Variants in ZBTB16 observed in about 807,000 individuals in gnomAD.
ZBTB16 encodes the protein zinc finger and BTB domain containing 16.
ZBTB16 carries 8 observed loss-of-function variants against 56.8 expected under a neutral mutation model. The ratio of observed to expected loss-of-function variants is 0.14; its 90% CI spans 0.08 to 0.25. The LOEUF (loss-of-function observed/expected upper bound fraction) is 0.25, where lower values mean the gene tolerates loss of function less well. Among genes scored for constraint, ZBTB16 ranks in the 10% least tolerant of loss-of-function variants. The pLI, the probability that ZBTB16 is intolerant of heterozygous loss-of-function variation, is 1.00. For missense variants in ZBTB16, 625 were observed against 903.0 expected, an observed-to-expected ratio of 0.69 and a Z score of 3.95; for synonymous variants, 363 against 368.5, an observed-to-expected ratio of 0.98 and a Z score of 0.17.
intron 4 of ZBTB16, among the ~76,000 whole-genome samples, chr11:114,220,114 C>T (rs754869882): frequency 4.6e-5 from 7 of 152,250 alleles, no homozygotes; most frequent in African/African-American, 9.6e-5. Context: ...GATTAGTGGA[C>T]GGAGGGGTCG....
intron 2 of ZBTB16, among the ~76,000 whole-genome samples, chr11:114,074,710 C>T (rs558669335): frequency 2.4e-4 from 37 of 152,314 alleles, no homozygotes; most frequent in African/African-American, 7.9e-4. Flanking sequence ...CGGAGCTCGC[C>T]GTGCGAGGAA....
intron 2 of ZBTB16, among the ~76,000 whole-genome samples, chr11:114,081,842 G>A (rs1939773965): frequency 6.6e-6 from 1 of 152,168 alleles, no homozygotes; most frequent in African/African-American, 2.4e-5. Flanking sequence ...ATGGTAGGCT[G>A]GGGTCAGACT....
chr11:114,135,848 G>A (rs1217137697), intron 2 of ZBTB16, among the ~76,000 whole-genome samples: 1 of 152,208 alleles, frequency 6.6e-6, no homozygotes, highest in Non-Finnish European at 1.5e-5. Context: ...GCAACAGGAA[G>A]TGACTTGCAG....
At chr11:114,123,131 T>G (rs929971731) in intron 2 of ZBTB16, among the ~76,000 whole-genome samples, 2 of 152,188 alleles carry the variant, frequency 1.3e-5, no homozygotes, top group African/African-American at 4.8e-5. Flanking sequence ...AGACCCACCC[T>G]TAGGACCGCA....
Position 114,062,400 on chromosome 11 carries a change from G to A in ZBTB16, c.-90-811G>A, listed in dbSNP as rs2735191. ...TTAGAGGCGTGAGCCACCGCGCCCT[G>A]CCCCACACACTCTTTCTGTCTGTCT... is the stretch of plus-strand genomic sequence containing the variant. On this transcript the variant is annotated intron_variant, in intron 1 of 6. Transcript: ENST00000335953. Among the ~76,000 whole-genome samples, 946 of 152,284 alleles carry A rather than the reference G, an allele frequency of 6.2e-3. 8 individuals are homozygous for A. The highest frequency in any genetic ancestry group is 9.7e-3 in the South Asian group (47 of 4,830).
At chr11:114,246,426 C>T (rs1335453937) in intron 5 of ZBTB16, among the ~76,000 whole-genome samples, 2 of 152,096 alleles carry the variant, frequency 1.3e-5, no homozygotes, top group African/African-American at 4.8e-5. Context: ...AGACTAATAT[C>T]TTTCTTTAAG....
chr11:114,109,160 C>T (rs1441830235), intron 2 of ZBTB16, among the ~76,000 whole-genome samples: 3 of 152,224 alleles, frequency 2.0e-5, no homozygotes, highest in African/African-American at 7.2e-5. Flanking sequence ...GATGTCTGTT[C>T]TTCTAGTGGA....
intron 2 of ZBTB16, among the ~76,000 whole-genome samples, chr11:114,102,742 G>T (rs1475653966): frequency 2.0e-5 from 3 of 152,136 alleles, no homozygotes; most frequent in Admixed American, 6.5e-5. Context: ...TATTTATTGG[G>T]TGCCTGGAGA....
chr11:114,210,839 G>A (rs1270541144), intron 4 of ZBTB16: 2 of 213,442 alleles, frequency 9.4e-6, no homozygotes, highest in Non-Finnish European at 1.9e-5. Context: ...TGAGTTGGAT[G>A]TAAAAACTCT....
At chr11:114,247,449 G>A (rs1591814407) in intron 6 of ZBTB16, 84 bp downstream of exon 6, 2 of 1,579,028 alleles carry the variant, frequency 1.3e-6, no homozygotes, top group East Asian at 4.5e-5. Context: ...AGAAGCCTAA[G>A]TGAGGATGAT....
At chr11:114,125,475 G>A (rs1941479363) in intron 2 of ZBTB16, among the ~76,000 whole-genome samples, 1 of 152,078 alleles carries the variant, frequency 6.6e-6, no homozygotes, top group African/African-American at 2.4e-5. Context: ...TGTGCCCAAG[G>A]TTATCTAACT....
At chr11:114,221,255 A>C (rs960388845) in intron 4 of ZBTB16, among the ~76,000 whole-genome samples, 1 of 152,228 alleles carries the variant, frequency 6.6e-6, no homozygotes, top group Admixed American at 6.5e-5. Context: ...TGAAGATCTT[A>C]ATTAATATGA....
Position 114,206,511 on chromosome 11 carries a change from G to A in ZBTB16, c.1453+19473G>A, listed in dbSNP as rs1487058596. ...TGCCCCCAGGCAGCCCTCCTTGGCC[G>A]TCTGTGAGTCAGGGTCTGCACCAGG... On this transcript the variant is annotated intron_variant, in intron 4 of 6. Transcript: ENST00000335953. Among the ~76,000 whole-genome samples the A allele has an allele frequency of 2.0e-5, 3 of 152,166 alleles. 1 individual carries two copies. The highest frequency in any genetic ancestry group is 6.3e-3 in the Middle Eastern group (2 of 316).
chr11:114,114,188 G>A (rs1180609096), intron 2 of ZBTB16, among the ~76,000 whole-genome samples: 1 of 152,248 alleles, frequency 6.6e-6, no homozygotes, highest in Non-Finnish European at 1.5e-5. Context: ...ATGTCCCTGA[G>A]ACTTCGTCCA....
chr11:114,252,508 C>T lies in ZBTB16; in HGVS notation c.*1953C>T, dbSNP rs1019798893. Among the ~76,000 whole-genome samples, 1 of 152,116 alleles carries T rather than the reference C, an allele frequency of 6.6e-6. No individual in the cohort carries two copies. The highest frequency in any genetic ancestry group is 2.1e-4 in the South Asian group (1 of 4,828). On this transcript the variant is annotated 3_prime_UTR_variant, in exon 7 of 7. Coordinates refer to ENST00000335953, the MANE Select transcript of ZBTB16 (RefSeq NM_006006.6). The stretch of plus-strand genomic sequence containing the variant: ...CCCGCCTCCCATTCTGCTGCTCTTC[C>T]TCCCTCTTTTCCCCAACCTCCCCCG...
intron 4 of ZBTB16, among the ~76,000 whole-genome samples, chr11:114,213,235 C>A (rs1944031074): frequency 6.6e-6 from 1 of 152,114 alleles, no homozygotes; most frequent in African/African-American, 2.4e-5. Context: ...GCTTCCAACT[C>A]ATTGAACCAA....
chr11:114,199,283 C>T (rs898504536), intron 4 of ZBTB16, among the ~76,000 whole-genome samples: 1 of 146,032 alleles, frequency 6.8e-6, no homozygotes, highest in African/African-American at 2.6e-5. Context: ...GGCCCAGGGA[C>T]GGGGATGCCG....
intron 5 of ZBTB16, among the ~76,000 whole-genome samples, chr11:114,243,268 C>T (rs1056876559): frequency 2.0e-5 from 3 of 152,140 alleles, no homozygotes; most frequent in Non-Finnish European, 2.9e-5. Flanking sequence ...TATAACAGAG[C>T]GTATACTTGT....
chr11:114,101,409 T>A (rs1370097379), intron 2 of ZBTB16, among the ~76,000 whole-genome samples: 1 of 152,184 alleles, frequency 6.6e-6, no homozygotes, highest in Non-Finnish European at 1.5e-5. Flanking sequence ...CTGCATTTTC[T>A]AGCGTTGAGG....
Sources: gnomAD v4.1 joint callset for allele counts (sites outside exome capture counted in the v4.1 genomes callset) on GRCh38, gnomAD v4.1.1 for gene constraint, MANE v1.5 for transcripts, NCBI Gene and HGNC (gene_info 2026-07-23, HGNC 2026-07-21) for gene names.